The following TMTC2 variants were observed in gnomAD, a reference collection of about 807,000 sequenced individuals.
The protein encoded by TMTC2 is protein O-mannosyl-transferase TMTC2.
In TMTC2, 43 loss-of-function variants were observed where a neutral mutation model predicts 82.4. The observed-to-expected ratio is 0.52, with a 90% CI of 0.41 to 0.67. The LOEUF is 0.67. TMTC2 is among the 30% of genes least tolerant of loss of function. The pLI is 0.00. For missense variants in TMTC2, 919 were observed against 1,012.4 expected (o/e 0.91, Z 1.25); for synonymous variants, 408 against 381.9 (o/e 1.07, Z -0.80).
At chr12:83,095,230 GTTT>G (rs372668283) in intron 11 of TMTC2, among the ~76,000 whole-genome samples, 2,223 of 126,238 alleles carry the variant, frequency 0.018, 58 homozygotes, top group African/African-American at 0.057. Context: ...TTTTTTTTTT[GTTT>G]TTTTTTTTGT....
At chr12:82,845,912 A>G (rs1870634956) in intron 1 of TMTC2, among the ~76,000 whole-genome samples, 1 of 149,622 alleles carries the variant, frequency 6.7e-6, no homozygotes, top group Non-Finnish European at 1.5e-5. Flanking sequence ...ATGGTTTATT[A>G]GTTTTCAGGG....
At chr12:83,114,382 C>G (rs1024081777) in intron 11 of TMTC2, among the ~76,000 whole-genome samples, 1 of 152,160 alleles carries the variant, frequency 6.6e-6, no homozygotes, top group Non-Finnish European at 1.5e-5. Flanking sequence ...TGCTAGCAGC[C>G]TGATCTCAGA....
intron 11 of TMTC2, among the ~76,000 whole-genome samples, chr12:83,121,037 A>C (rs1884931296): frequency 6.6e-6 from 1 of 152,070 alleles, no homozygotes; most frequent in South Asian, 2.1e-4. Flanking sequence ...ATTTCAGTGA[A>C]TATTTCTCCC....
chr12:82,710,435 T>G (rs1044784660), intron 1 of TMTC2, among the ~76,000 whole-genome samples: 1 of 152,252 alleles, frequency 6.6e-6, no homozygotes, highest in Non-Finnish European at 1.5e-5. Flanking sequence ...TTTATCTGTT[T>G]TGCTTCATCC....
chr12:82,916,792 G>C (rs1021100857), intron 3 of TMTC2, among the ~76,000 whole-genome samples: 1 of 152,050 alleles, frequency 6.6e-6, no homozygotes, highest in Admixed American at 6.5e-5. Flanking sequence ...AATACGTTTA[G>C]TTTCAGATCT....
chr12:82,935,031 G>T (rs761650311), intron 4 of TMTC2, among the ~76,000 whole-genome samples: 9 of 152,044 alleles, frequency 5.9e-5, no homozygotes, highest in South Asian at 2.1e-4. Context: ...ACCTTTATAT[G>T]TAGAAATAAA....
At chr12:82,728,056 T>G (rs1296229886) in intron 1 of TMTC2, among the ~76,000 whole-genome samples, 1 of 152,144 alleles carries the variant, frequency 6.6e-6, no homozygotes, top group African/African-American at 2.4e-5. Context: ...TCTTACACTG[T>G]TCTTCCTGTG....
intron 2 of TMTC2, among the ~76,000 whole-genome samples, chr12:82,858,325 G>T (rs1334215226): frequency 6.6e-6 from 1 of 152,320 alleles, no homozygotes; most frequent in African/African-American, 2.4e-5. Context: ...AGCGGACGGG[G>T]CATCTTGAGA....
rs1040195560 is a variant in TMTC2 at position 83,134,140 on chromosome 12, T to C, written c.*1751T>C. ...TAAGAAAGCCCTTCTGTAATATATA[T>C]ATTATTTTGTAAACATTTCACTGAA... On this transcript the variant is annotated 3_prime_UTR_variant, in exon 12 of 12. Transcript: ENST00000321196. 2.0e-5 allele frequency: 3 copies of C among 152,618 alleles called. No individual in the cohort carries two copies. Among genetic ancestry groups the C allele is most frequent in the African/African-American group, 7.2e-5 (3 of 41,452 alleles). The allele number at this position is 152,618 out of a possible 1,614,324, so 9.5% of individuals were successfully genotyped here.
intron 2 of TMTC2, among the ~76,000 whole-genome samples, chr12:82,872,011 C>CA (rs1491215231): frequency 6.6e-5 from 9 of 136,810 alleles, no homozygotes; most frequent in African/African-American, 2.5e-4. Context: ...CAACACCCCC[C>CA]CCCCCGCCCA....
rs575196311 is a variant in TMTC2, at chr12:82,770,870, G to A, written c.83+83201G>A. Among the ~76,000 whole-genome samples the A allele has an allele frequency of 6.6e-5, 10 of 152,240 alleles. No homozygotes were observed. In the South Asian group the frequency reaches 2.1e-3, roughly 32 times the overall value. On this transcript the variant is annotated intron_variant, in intron 1 of 11. Transcript: ENST00000321196. ...TCAAAACTAAGTTCTCACAGAGCAA[G>A]TACCAAATGTCTCGATCACCAAAAT... is the stretch of plus-strand genomic sequence containing the variant.
In TMTC2 at chr12:82,741,696, G is replaced by T. The variant is rs575625595; in HGVS notation, c.83+54027G>T. ...GAAACCAATGTGTAATCAAATAGAAGAAATTTCATCCATGACATGATTTAA... is the reference window on the plus strand; with the variant it reads ...GAAACCAATGTGTAATCAAATAGAATAAATTTCATCCATGACATGATTTAA... On this transcript the variant is annotated intron_variant, in intron 1 of 11. Coordinates refer to ENST00000321196, the MANE Select transcript of TMTC2 (RefSeq NM_152588.3). Among the ~76,000 whole-genome samples, 4 of 152,320 alleles carry T rather than the reference G, an allele frequency of 2.6e-5. No individual in the cohort carries two copies. The South Asian group carries it at 6.2e-4, about 24-fold the overall frequency.
chr12:82,909,140 T>A (rs1475227677), intron 3 of TMTC2, among the ~76,000 whole-genome samples: 1 of 152,192 alleles, frequency 6.6e-6, no homozygotes, highest in Non-Finnish European at 1.5e-5. Flanking sequence ...TTTTTTAAAT[T>A]TTTTTGTTGC....
intron 11 of TMTC2, among the ~76,000 whole-genome samples, chr12:83,117,428 A>C (rs1421371565): frequency 1.3e-5 from 2 of 152,202 alleles, no homozygotes; most frequent in Admixed American, 6.5e-5. Context: ...CACTACGATC[A>C]AGTGGGTTTC....
At chr12:82,883,078 A>G (rs1872916411) in intron 2 of TMTC2, among the ~76,000 whole-genome samples, 2 of 138,584 alleles carry the variant, frequency 1.4e-5, no homozygotes. Context: ...AAAAAAAAAA[A>G]AAAACCAAAA....
At chr12:83,071,053 G>T in intron 11 of TMTC2, among the ~76,000 whole-genome samples, 1 of 151,960 alleles carries the variant, frequency 6.6e-6, no homozygotes, top group East Asian at 1.9e-4. Flanking sequence ...CTCGATCATG[G>T]TGGATTATCT....
At chr12:82,786,706 A>G (rs894179922) in intron 1 of TMTC2, among the ~76,000 whole-genome samples, 1 of 152,058 alleles carries the variant, frequency 6.6e-6, no homozygotes, top group African/African-American at 2.4e-5. Flanking sequence ...CTCAACAGTG[A>G]TCTGGGCCTG....
chr12:83,025,566 A>G (rs1323393836), intron 8 of TMTC2, among the ~76,000 whole-genome samples: 1 of 152,184 alleles, frequency 6.6e-6, no homozygotes, highest in African/African-American at 2.4e-5. Context: ...CGCAGACACC[A>G]ACAGGATGCC....
At chr12:82,733,737 TTATC>T (rs1398600627) in intron 1 of TMTC2, among the ~76,000 whole-genome samples, 7 of 152,316 alleles carry the variant, frequency 4.6e-5, no homozygotes, top group Middle Eastern at 3.4e-3. Context: ...TGGAGATACT[TTATC>T]TAATATCTTT....
Sources: gnomAD v4.1 joint callset for allele counts (sites outside exome capture counted in the v4.1 genomes callset) on GRCh38, gnomAD v4.1.1 for gene constraint, MANE v1.5 for transcripts, NCBI Gene and HGNC (gene_info 2026-07-23, HGNC 2026-07-21) for gene names.